EVC2: variants seen among roughly 807,000 people sequenced by gnomAD.
EVC2 encodes limbin.
A neutral mutation model predicts 149.3 loss-of-function variants in EVC2; 148 were observed. The ratio of observed to expected loss-of-function variants is 0.99; its 90% CI spans 0.87 to 1.14. EVC2 has a LOEUF of 1.14. Ranked by LOEUF, EVC2 falls within the 50% of genes most tolerant of loss-of-function variation. EVC2 has a pLI of 0.00. For missense variants in EVC2, 1,854 were observed against 1,627.3 expected, an observed-to-expected ratio of 1.14 and a Z score of -2.40; for synonymous variants, 776 against 649.9, an observed-to-expected ratio of 1.19 and a Z score of -2.95.
chr4:5,532,935 G>C, the EVC2 span, among the ~76,000 whole-genome samples: 7 of 151,710 alleles, frequency 4.6e-5, no homozygotes, highest in African/African-American at 1.7e-4. Context: ...CTGATATCAG[G>C]AAGGGACTCT....
chr4:5,700,251 A>T (rs1293053480), intron 1 of EVC2, among the ~76,000 whole-genome samples: 1 of 152,224 alleles, frequency 6.6e-6, no homozygotes, highest in Non-Finnish European at 1.5e-5. Context: ...TTTTCTGTAA[A>T]TCTAAAACTC....
intron 6 of EVC2, 138 bp downstream of exon 6, chr4:5,685,232 G>T: frequency 1.2e-6 from 1 of 850,012 alleles, no homozygotes. Flanking sequence ...GAGACTCCAG[G>T]GCCTATGCCC....
At chr4:5,703,085 T>A (rs551451409) in intron 1 of EVC2, among the ~76,000 whole-genome samples, 2 of 152,358 alleles carry the variant, frequency 1.3e-5, no homozygotes, top group East Asian at 3.9e-4. Flanking sequence ...CAACTGTGAC[T>A]TTAAGCCAAA....
At chr4:5,699,366 T>C (rs537015986) in intron 1 of EVC2, among the ~76,000 whole-genome samples, 1 of 152,232 alleles carries the variant, frequency 6.6e-6, no homozygotes, top group Non-Finnish European at 1.5e-5. Flanking sequence ...TAAATTATGG[T>C]ACAAACATTC....
rs1715760023 is a variant in EVC2, at chr4:5,622,456, C to T, written c.2501+81G>A. 6.6e-7 allele frequency: 1 copy of T among 1,508,354 alleles called. No individual in the cohort carries two copies. Among genetic ancestry groups the T allele is most frequent in the Non-Finnish European group, 9.1e-7 (1 of 1,102,934 alleles). The allele number at this position is 1,508,354 out of a possible 1,614,324, so 93.4% of individuals were successfully genotyped here. On this transcript the variant is annotated intron_variant, in intron 14 of 21. Transcript: ENST00000344408. The surrounding 1 kb of genome is among the most constrained non-coding windows in gnomAD (Gnocchi z 5.8). The stretch of plus-strand genomic sequence containing the variant: ...TGGGGCCAGGTGTCTCATGCTTGGC[C>T]ATCCCCACAACCACAGGGCAGGAAT...
intron 16 of EVC2, among the ~76,000 whole-genome samples, chr4:5,599,110 T>C (rs1490462612): frequency 1.3e-5 from 2 of 151,958 alleles, no homozygotes; most frequent in Non-Finnish European, 2.9e-5. Flanking sequence ...GGAACACTTT[T>C]ACACTGTTGG....
At chr4:5,553,708 T>C (rs1721782015) in intron 21 of EVC2, among the ~76,000 whole-genome samples, 1 of 152,224 alleles carries the variant, frequency 6.6e-6, no homozygotes, top group Non-Finnish European at 1.5e-5. Context: ...AACTCTAGAA[T>C]ATGTAAATTA....
chr4:5,644,319 T>C (rs1717553126), intron 9 of EVC2, among the ~76,000 whole-genome samples: 1 of 152,204 alleles, frequency 6.6e-6, no homozygotes, highest in Non-Finnish European at 1.5e-5. Context: ...ATTTATTTAT[T>C]CTTTTAGACG....
intron 1 of EVC2, among the ~76,000 whole-genome samples, chr4:5,701,976 GC>G (rs1721854929): frequency 6.6e-6 from 1 of 151,778 alleles, no homozygotes; most frequent in Non-Finnish European, 1.5e-5. Flanking sequence ...CTGGCCTCCC[GC>G]CTGCCTGCTT....
chr4:5,534,315 G>C, the EVC2 span, among the ~76,000 whole-genome samples: 1 of 152,210 alleles, frequency 6.6e-6, no homozygotes, highest in Non-Finnish European at 1.5e-5. Flanking sequence ...TTCTGCAGCA[G>C]TGCCCACAGC....
rs1249967204 is a variant in EVC2 at position 5,562,483 on chromosome 4, T to C, written c.*365A>G. 15 of 1,085,084 alleles carry C rather than the reference T, an allele frequency of 1.4e-5. No individual in the cohort carries two copies. Among genetic ancestry groups the C allele is most frequent in the South Asian group, 9.5e-5 (3 of 31,582 alleles). The allele number at this position is 1,085,084 out of a possible 1,614,324, so 67.2% of individuals were successfully genotyped here. A position where few individuals can be genotyped will look rare whatever the true frequency, so the allele number is the denominator to read the frequency against. ...TTTTTTAAAATTCCCTTTATAAAAA[T>C]AGAATATGTAACAAATACAAAACAT... On this transcript the variant is annotated 3_prime_UTR_variant, in exon 22 of 22. Transcript: ENST00000344408. The surrounding 1 kb of genome is among the most constrained non-coding windows in gnomAD (Gnocchi z 4.3).
At chr4:5,577,165 C>G (rs1433457187) in intron 17 of EVC2, among the ~76,000 whole-genome samples, 1 of 152,242 alleles carries the variant, frequency 6.6e-6, no homozygotes, top group Non-Finnish European at 1.5e-5. Context: ...CTGAGGCAGA[C>G]AGAGTTAAAT....
rs565927813 is a variant in EVC2, at chr4:5,640,128, T to C, written c.1470+386A>G. ...GAAGGCTAGATGGGGAATAAGTGGATGGGTAAATTGTTGGATGGGTGATGG... is the reference window on the plus strand; with the variant it reads ...GAAGGCTAGATGGGGAATAAGTGGACGGGTAAATTGTTGGATGGGTGATGG... On this transcript the variant is annotated intron_variant, in intron 10 of 21. Transcript: ENST00000344408. This position sits in a 1 kb window ranked among gnomAD's most constrained non-coding sequence, Gnocchi z 4.6. Among the ~76,000 whole-genome samples, 1 of 151,782 alleles carries C rather than the reference T, an allele frequency of 6.6e-6. No individual in the cohort carries two copies. The highest frequency in any genetic ancestry group is 2.4e-5 in the African/African-American group (1 of 41,372).
intron 1 of EVC2, among the ~76,000 whole-genome samples, chr4:5,702,710 A>G (rs1721900810): frequency 6.6e-6 from 1 of 152,208 alleles, no homozygotes. Context: ...CTTTGTAAGA[A>G]GAAGGGATGA....
intron 16 of EVC2, among the ~76,000 whole-genome samples, chr4:5,612,682 G>C (rs546848112): frequency 3.0e-4 from 45 of 152,246 alleles, no homozygotes; most frequent in African/African-American, 1.1e-3. Context: ...CAGCACTTTG[G>C]GAGGCCGAGG....
At chr4:5,671,713 T>G (rs976952977) in intron 7 of EVC2, among the ~76,000 whole-genome samples, 4 of 152,176 alleles carry the variant, frequency 2.6e-5, no homozygotes, top group Non-Finnish European at 5.9e-5. Flanking sequence ...GGTTTCACCA[T>G]GTTGGCCAGG....
chr4:5,636,633 G>C lies in EVC2; in HGVS notation c.1470+3881C>G, dbSNP rs1302316634. On this transcript the variant is annotated intron_variant, in intron 10 of 21. Coordinates refer to ENST00000344408, the MANE Select transcript of EVC2 (RefSeq NM_147127.5). This position sits in a 1 kb window ranked among gnomAD's most constrained non-coding sequence, Gnocchi z 4.6. ...TTATAACAGAGACTTGAGAATTTGT[G>C]GATTTTGGTATCCATGGGGGTGGGA... Among the ~76,000 whole-genome samples the C allele has an allele frequency of 6.6e-6, 1 of 152,148 alleles. No homozygotes were observed. Among genetic ancestry groups the C allele is most frequent in the African/African-American group, 2.4e-5 (1 of 41,438 alleles).
chr4:5,535,036 G>T, the EVC2 span, among the ~76,000 whole-genome samples: 1 of 152,118 alleles, frequency 6.6e-6, no homozygotes, highest in African/African-American at 2.4e-5. This position sits in a 1 kb window ranked among gnomAD's most constrained non-coding sequence, Gnocchi z 4.7. Flanking sequence ...ATGGGCAGTA[G>T]GCAGAGGTTC....
chr4:5,697,153 G>C (rs182075675), intron 2 of EVC2, among the ~76,000 whole-genome samples: 1 of 152,212 alleles, frequency 6.6e-6, no homozygotes, highest in Non-Finnish European at 1.5e-5. Context: ...AATTGGTTTC[G>C]CTTCTGGAAC....
Sources: allele counts gnomAD v4.1 joint callset (sites outside exome capture counted in the v4.1 genomes callset), GRCh38; gene constraint gnomAD v4.1.1; non-coding constraint Gnocchi (gnomAD v3.1); transcripts MANE v1.5; gene names NCBI Gene and HGNC (gene_info 2026-07-23, HGNC 2026-07-21).